Variants in DLGAP2 observed in about 807,000 individuals in gnomAD.
DLGAP2 encodes the protein DLG associated protein 2.
DLGAP2 carries 26 observed loss-of-function variants against 100.3 expected under a neutral mutation model. The ratio of observed to expected loss-of-function variants is 0.26; its 90% CI spans 0.19 to 0.36. DLGAP2 has a LOEUF of 0.36. DLGAP2 is among the 10% of genes least tolerant of loss of function. DLGAP2 has a pLI of 1.00. For synonymous variants in DLGAP2, 886 were observed against 630.1 expected (o/e 1.41, Z -6.08); for missense variants, 1,858 against 1,453.2 (o/e 1.28, Z -4.53).
At chr8:1,254,891 GCTGTGTCTGTGCTCTCTCCTGCCCA>G (rs2116890219) in intron 2 of DLGAP2, among the ~76,000 whole-genome samples, 2 of 151,708 alleles carry the variant, frequency 1.3e-5, no homozygotes, top group African/African-American at 4.8e-5. Flanking sequence ...CTGCCCGCGT[GCTGTGTCTGTGCTCTCTCCTGCCCA>G]GGTGCTGTGT....
At chr8:810,010 A>G (rs900780344) in intron 1 of DLGAP2, among the ~76,000 whole-genome samples, 3 of 152,180 alleles carry the variant, frequency 2.0e-5, no homozygotes, top group African/African-American at 7.2e-5. Context: ...GCACCTGACA[A>G]TCTGCTCTAA....
intron 2 of DLGAP2, among the ~76,000 whole-genome samples, chr8:1,210,087 A>T (rs995380560): frequency 3.3e-5 from 5 of 152,184 alleles, no homozygotes; most frequent in Non-Finnish European, 7.4e-5. Flanking sequence ...GATTGACTTA[A>T]TCCCAGGTAG....
At chr8:857,225 C>G (rs1382502936) in intron 1 of DLGAP2, among the ~76,000 whole-genome samples, 1 of 152,110 alleles carries the variant, frequency 6.6e-6, no homozygotes, top group East Asian at 1.9e-4. Context: ...ACACAAAATG[C>G]AAAACTATAA....
intron 2 of DLGAP2, chr8:1,032,985 G>A (rs1802016352): frequency 6.6e-6 from 1 of 152,270 alleles, no homozygotes; most frequent in African/African-American, 2.4e-5. Flanking sequence ...CCCAAAGGGT[G>A]ATCGTGGGTA....
chr8:1,373,786 A>G (rs1206909708), intron 3 of DLGAP2: 1 of 152,226 alleles, frequency 6.6e-6, no homozygotes, highest in African/African-American at 2.4e-5. Context: ...CGTAGCCTGC[A>G]AGGAAGGTCA....
At chr8:1,252,459 C>T (rs906979505) in intron 2 of DLGAP2, among the ~76,000 whole-genome samples, 4 of 151,760 alleles carry the variant, frequency 2.6e-5, no homozygotes, top group African/African-American at 4.8e-5. Context: ...GGTGTTGTCA[C>T]GTGCGTGTGT....
chr8:1,178,965 G>C (rs559969869), intron 2 of DLGAP2, among the ~76,000 whole-genome samples: 8 of 149,710 alleles, frequency 5.3e-5, no homozygotes, highest in East Asian at 2.0e-4. Context: ...CCCTGGTCTC[G>C]TCTCCAGTTC....
At position 1,463,270 on chromosome 8, in the gene DLGAP2, C is replaced by T. The variant is rs995438613; in HGVS notation, c.107-38096C>T. Among the ~76,000 whole-genome samples, 10 of 152,194 alleles carry T rather than the reference C, an allele frequency of 6.6e-5. No homozygotes were observed. The South Asian group carries it at 1.5e-3, about 22-fold the overall frequency. Reference sequence around the variant, plus strand: ...TCTCAAAAAAACAAAAGAAAAAGATCAGGGAAGGTGCTGATGAGACAAGCG... The same window carrying T: ...TCTCAAAAAAACAAAAGAAAAAGATTAGGGAAGGTGCTGATGAGACAAGCG... On this transcript the variant is annotated intron_variant, in intron 3 of 14. Transcript: ENST00000637795.
chr8:1,246,337 C>A (rs57003739), intron 2 of DLGAP2, among the ~76,000 whole-genome samples: 30,071 of 152,156 alleles, frequency 0.2, 3,663 homozygotes, highest in African/African-American at 0.33. Flanking sequence ...ATGTGAATTT[C>A]AAGCGATGGT....
chr8:1,118,274 C>G (rs1795943197), intron 2 of DLGAP2, among the ~76,000 whole-genome samples: 1 of 152,198 alleles, frequency 6.6e-6, no homozygotes, highest in Non-Finnish European at 1.5e-5. Flanking sequence ...CAGCTTCACT[C>G]TGGTGCTGAT....
At chr8:1,448,698 T>C (rs1332873001) in intron 3 of DLGAP2, among the ~76,000 whole-genome samples, 1 of 152,236 alleles carries the variant, frequency 6.6e-6, no homozygotes, top group African/African-American at 2.4e-5. Context: ...AAGACTTTGA[T>C]AGTTCTTTGC....
chr8:1,453,585 A>G (rs556172197), intron 3 of DLGAP2, among the ~76,000 whole-genome samples: 1 of 152,134 alleles, frequency 6.6e-6, no homozygotes, highest in Non-Finnish European at 1.5e-5. Context: ...GAGTTTGGTG[A>G]CACCTTACAG....
At chr8:1,290,879 C>T (rs1014311216) in intron 3 of DLGAP2, among the ~76,000 whole-genome samples, 1 of 152,142 alleles carries the variant, frequency 6.6e-6, no homozygotes, top group Non-Finnish European at 1.5e-5. Context: ...ATAGACATAA[C>T]ATGAAATTTA....
intron 1 of DLGAP2, among the ~76,000 whole-genome samples, chr8:823,395 C>G (rs187990868): frequency 6.6e-6 from 1 of 152,070 alleles, no homozygotes; most frequent in Non-Finnish European, 1.5e-5. Flanking sequence ...CTTGTCAACT[C>G]TCCATTGAAA....
At chr8:1,066,746 C>T (rs1390158586) in intron 2 of DLGAP2, among the ~76,000 whole-genome samples, 1 of 152,252 alleles carries the variant, frequency 6.6e-6, no homozygotes, top group Non-Finnish European at 1.5e-5. Flanking sequence ...TTGTCCTTGG[C>T]CTCCACACGC....
chr8:763,217 G>A (rs1821130401), intron 1 of DLGAP2, among the ~76,000 whole-genome samples: 2 of 152,196 alleles, frequency 1.3e-5, no homozygotes, highest in African/African-American at 4.8e-5. Flanking sequence ...CAGCGCAGCC[G>A]GGATGAGGAC....
chr8:1,131,488 T>C (rs1313524110), intron 2 of DLGAP2, among the ~76,000 whole-genome samples: 4 of 152,118 alleles, frequency 2.6e-5, no homozygotes, highest in Non-Finnish European at 4.4e-5. Flanking sequence ...CATCCCACCT[T>C]GGGTTCTCCA....
At chr8:1,682,896 A>G (rs1275986052) in intron 12 of DLGAP2, among the ~76,000 whole-genome samples, 1 of 151,430 alleles carries the variant, frequency 6.6e-6, no homozygotes, top group Non-Finnish European at 1.5e-5. Flanking sequence ...CCCTAAACAT[A>G]TGTTTGGTTT....
intron 2 of DLGAP2, among the ~76,000 whole-genome samples, chr8:1,052,695 C>G (rs73538187): frequency 6.6e-6 from 1 of 151,966 alleles, no homozygotes; most frequent in Non-Finnish European, 1.5e-5. Context: ...TTCTGGTTGG[C>G]CTGGTCATCA....
Sources: allele counts gnomAD v4.1 joint callset (sites outside exome capture counted in the v4.1 genomes callset), GRCh38; gene constraint gnomAD v4.1.1; transcripts MANE v1.5; gene names NCBI Gene and HGNC (gene_info 2026-07-23, HGNC 2026-07-21).